Variants in EPHB1 observed in about 807,000 individuals in gnomAD.
EPHB1 encodes the protein EPH receptor B1.
EPHB1 carries 30 observed loss-of-function variants against 94.4 expected under a neutral mutation model. The observed-to-expected ratio is 0.32, with a 90% CI of 0.24 to 0.43. The LOEUF is 0.43. Ranked by LOEUF, EPHB1 falls within the 20% of genes least tolerant of loss-of-function variation. The probability of loss-of-function intolerance (pLI) is 1.00; values close to 1 mark genes in which losing one functional copy is unlikely to be tolerated. For synonymous variants in EPHB1, 522 were observed against 489.1 expected (o/e 1.07, Z -0.89); for missense variants, 1,055 against 1,308.3 (o/e 0.81, Z 2.99).
rs1942492446 is a variant in EPHB1 at position 135,192,712 on chromosome 3, C to T, written c.2019C>T (p.Gly673=). 3 of 1,614,072 alleles carry T rather than the reference C, an allele frequency of 1.9e-6. No individual in the cohort carries two copies. The highest frequency in any genetic ancestry group is 1.3e-5 in the African/African-American group (1 of 74,924). ...TTCTGAGTGAGGCGAGCATCATGGG[C>T]CAGTTCGACCATCCTAACATCATTC... ...RDFLSEASIM[G]QFDHPNIIRL... The change falls in exon 11 of 16, where the codon GGC becomes GGT. Residue 673 remains glycine (G), a synonymous_variant. Transcript: ENST00000398015.
chr3:135,208,292 TGTGTGTGTGTGTGTGTGTGTG>T (rs1559875513), intron 12 of EPHB1, among the ~76,000 whole-genome samples: 3 of 109,048 alleles, frequency 2.8e-5, no homozygotes, highest in African/African-American at 3.6e-5. Context: ...TTTCATGACG[TGTGTGTGTGTGTGTGTGTGTG>T]TGTGTGTGTG....
chr3:135,191,537 A>G (rs934273459), intron 10 of EPHB1, among the ~76,000 whole-genome samples: 2 of 152,238 alleles, frequency 1.3e-5, no homozygotes, highest in African/African-American at 4.8e-5. Flanking sequence ...TGCACTTACA[A>G]GTAGACACTG....
chr3:134,822,443 G>A (rs1026135130), intron 1 of EPHB1, among the ~76,000 whole-genome samples: 26 of 151,966 alleles, frequency 1.7e-4, no homozygotes, highest in African/African-American at 6.0e-4. Flanking sequence ...GGTGATGGGG[G>A]CACTAACCAA....
intron 3 of EPHB1, among the ~76,000 whole-genome samples, chr3:135,093,593 G>A (rs961593261): frequency 6.6e-6 from 1 of 151,866 alleles, no homozygotes. Flanking sequence ...CTGGTGGCAC[G>A]TGCCTGTAGT....
chr3:134,972,296 A>G (rs1479902044), intron 3 of EPHB1, among the ~76,000 whole-genome samples: 1 of 150,714 alleles, frequency 6.6e-6, no homozygotes, highest in Non-Finnish European at 1.5e-5. Context: ...TACAGAGAGC[A>G]TCTGGATCTT....
rs938669377 is a variant in EPHB1 at position 135,217,478 on chromosome 3, A to G, written c.2346+15789A>G. ...CACACACACACACACGCACACGGGG[A>G]GAGAGAGAGAGAGAGATGTGTGTAG... is the stretch of plus-strand genomic sequence containing the variant. On this transcript the variant is annotated intron_variant, in intron 12 of 15. Coordinates refer to ENST00000398015, the MANE Select transcript of EPHB1 (RefSeq NM_004441.5). Among the ~76,000 whole-genome samples the G allele has an allele frequency of 1.1e-4, 17 of 150,032 alleles. No individual in the cohort carries two copies. The East Asian group carries it at 1.8e-3, about 16-fold the overall frequency.
At chr3:135,051,704 A>T (rs1001204574) in intron 3 of EPHB1, among the ~76,000 whole-genome samples, 1 of 152,184 alleles carries the variant, frequency 6.6e-6, no homozygotes, top group Non-Finnish European at 1.5e-5. Context: ...TGCATTAAGT[A>T]TTGCTATTTA....
intron 3 of EPHB1, among the ~76,000 whole-genome samples, chr3:135,081,682 G>C (rs1419315586): frequency 6.6e-6 from 1 of 152,168 alleles, no homozygotes; most frequent in Non-Finnish European, 1.5e-5. Context: ...ACCCCTAGAG[G>C]CTGGTGTTCT....
intron 12 of EPHB1, among the ~76,000 whole-genome samples, chr3:135,221,827 T>A (rs1345744122): frequency 6.6e-6 from 1 of 152,168 alleles, no homozygotes; most frequent in East Asian, 1.9e-4. Flanking sequence ...CCTAAAAATG[T>A]AACAAAATAA....
chr3:134,946,024 A>T (rs2039210516), intron 2 of EPHB1, among the ~76,000 whole-genome samples: 1 of 152,222 alleles, frequency 6.6e-6, no homozygotes, highest in South Asian at 2.1e-4. Flanking sequence ...GCGAGGCAGG[A>T]CTGATACCTG....
At position 135,055,878 on chromosome 3, in the gene EPHB1, C is replaced by T. The variant is rs1937334057; in HGVS notation, c.806-50570C>T. Among the ~76,000 whole-genome samples the T allele has an allele frequency of 2.0e-5, 3 of 152,152 alleles. No individual in the cohort carries two copies. In the South Asian group the frequency reaches 6.2e-4, roughly 32 times the overall value. On this transcript the variant is annotated intron_variant, in intron 3 of 15. Transcript: ENST00000398015. ...TGGCCTTTAGGAAGGCTCTTTCCTA[C>T]TCTCTGTATCTGTGCACCTTCCTGT...
At chr3:134,803,617 G>T (rs1032689524) in intron 1 of EPHB1, among the ~76,000 whole-genome samples, 1 of 152,182 alleles carries the variant, frequency 6.6e-6, no homozygotes, top group Non-Finnish European at 1.5e-5. Flanking sequence ...TTTGTCATGT[G>T]CTGGTCCCTT....
chr3:135,089,135 A>G (rs1938470397), intron 3 of EPHB1, among the ~76,000 whole-genome samples: 1 of 152,222 alleles, frequency 6.6e-6, no homozygotes, highest in African/African-American at 2.4e-5. Flanking sequence ...GTTTAACATA[A>G]GTAGTTATAC....
intron 3 of EPHB1, among the ~76,000 whole-genome samples, chr3:135,013,106 C>T (rs910626770): frequency 1.6e-4 from 25 of 152,214 alleles, no homozygotes; most frequent in Non-Finnish European, 2.2e-4. Flanking sequence ...ACACTACTTA[C>T]GAATGGGCCA....
chr3:135,030,539 G>T (rs945393881), intron 3 of EPHB1, among the ~76,000 whole-genome samples: 2 of 152,194 alleles, frequency 1.3e-5, no homozygotes, highest in Admixed American at 6.5e-5. Flanking sequence ...GCTGGTCGGG[G>T]GTCAGGGGTC....
chr3:134,882,700 T>C (rs1390234520), intron 1 of EPHB1, among the ~76,000 whole-genome samples: 1 of 151,512 alleles, frequency 6.6e-6, no homozygotes, highest in Non-Finnish European at 1.5e-5. Flanking sequence ...TCTTTCCTTC[T>C]TTCCTTCCTT....
intron 1 of EPHB1, among the ~76,000 whole-genome samples, chr3:134,909,020 C>A (rs975489769): frequency 2.0e-5 from 3 of 150,000 alleles, no homozygotes; most frequent in Non-Finnish European, 4.4e-5. Flanking sequence ...AAGGTGATAA[C>A]CCACTTTTTC....
chr3:134,928,295 AC>A (rs1178452020), intron 2 of EPHB1, among the ~76,000 whole-genome samples: 2 of 152,190 alleles, frequency 1.3e-5, no homozygotes, highest in Non-Finnish European at 2.9e-5. Context: ...CATGTTGGAT[AC>A]CCCATCACAG....
chr3:135,051,921 A>G (rs1453394749), intron 3 of EPHB1, among the ~76,000 whole-genome samples: 4 of 152,190 alleles, frequency 2.6e-5, no homozygotes, highest in Non-Finnish European at 5.9e-5. Context: ...TCACAAAGAA[A>G]GGACACTGAG....
Sources: allele counts gnomAD v4.1 joint callset (sites outside exome capture counted in the v4.1 genomes callset), GRCh38; gene constraint gnomAD v4.1.1; transcripts MANE v1.5; gene names NCBI Gene and HGNC (gene_info 2026-07-23, HGNC 2026-07-21).